The following KCNQ5 variants were observed in gnomAD, a reference collection of about 807,000 sequenced individuals.
The protein encoded by KCNQ5 is potassium voltage-gated channel subfamily Q member 5.
KCNQ5 carries 30 observed loss-of-function variants against 98.2 expected under a neutral mutation model. The observed-to-expected ratio is 0.31, with a 90% CI of 0.23 to 0.41. The LOEUF (loss-of-function observed/expected upper bound fraction) is 0.41, where lower values mean the gene tolerates loss of function less well. Ranked by LOEUF, KCNQ5 falls within the 10% of genes least tolerant of loss-of-function variation. KCNQ5 has a pLI of 1.00. For synonymous variants in KCNQ5, 458 were observed against 449.4 expected, an observed-to-expected ratio of 1.02 and a Z score of -0.24; for missense variants, 835 against 1,182.5, an observed-to-expected ratio of 0.71 and a Z score of 4.31.
At chr6:73,123,224 T>C (rs937172213) in intron 8 of KCNQ5, among the ~76,000 whole-genome samples, 4 of 152,056 alleles carry the variant, frequency 2.6e-5, no homozygotes, top group Non-Finnish European at 5.9e-5. Flanking sequence ...ATATGTTAGA[T>C]GGCATTAAGT....
chr6:72,660,371 G>A (rs573573496), intron 1 of KCNQ5, among the ~76,000 whole-genome samples: 2 of 152,230 alleles, frequency 1.3e-5, no homozygotes, highest in East Asian at 3.9e-4. Flanking sequence ...AAAAAACTAA[G>A]CTCAACGTTC....
intron 1 of KCNQ5, among the ~76,000 whole-genome samples, chr6:72,887,501 G>A (rs1778891485): frequency 6.6e-6 from 1 of 152,106 alleles, no homozygotes; most frequent in Non-Finnish European, 1.5e-5. Context: ...GAAGATCTGA[G>A]ATACAAGAAA....
At chr6:72,716,466 A>G (rs1195163545) in intron 1 of KCNQ5, among the ~76,000 whole-genome samples, 2 of 152,196 alleles carry the variant, frequency 1.3e-5, no homozygotes. Flanking sequence ...CTGAATATTC[A>G]TTTGGCTTTT....
intron 1 of KCNQ5, among the ~76,000 whole-genome samples, chr6:72,917,973 C>T (rs1292840983): frequency 1.3e-5 from 2 of 152,144 alleles, no homozygotes; most frequent in Admixed American, 6.6e-5. Flanking sequence ...TAGCAGCATC[C>T]TTACTGTCTG....
At chr6:72,777,422 G>A (rs960642539) in intron 1 of KCNQ5, among the ~76,000 whole-genome samples, 1 of 152,120 alleles carries the variant, frequency 6.6e-6, no homozygotes, top group Non-Finnish European at 1.5e-5. Context: ...GGTAAGTGGA[G>A]TGGGTGGTTG....
Position 72,622,279 on chromosome 6 carries a change from G to A in KCNQ5, c.90G>A (p.Gly30=), listed in dbSNP as rs1434168919. 6 of 1,278,280 alleles carry A rather than the reference G, an allele frequency of 4.7e-6. No homozygotes were observed. Among genetic ancestry groups the A allele is most frequent in the East Asian group, 6.1e-5 (2 of 32,716 alleles). The allele number at this position is 1,278,280 out of a possible 1,614,324, so 79.2% of individuals were successfully genotyped here. The change falls in exon 1 of 14, where the codon GGG becomes GGA. Residue 30 remains glycine, a synonymous_variant. Coordinates refer to ENST00000370398, the MANE Select transcript of KCNQ5 (RefSeq NM_019842.4). This position sits in a 1 kb window ranked among gnomAD's most constrained non-coding sequence, Gnocchi z 6.0. ...SGAAAAAAGG[G]RLGSGMKDVE... ...CAGCGGCGGCGGCGGCGGGCGGGGG[G>A]CGCTTGGGCAGCGGCATGAAGGATG... is the stretch of plus-strand genomic sequence containing the variant.
chr6:72,889,273 A>C (rs1778969152), intron 1 of KCNQ5, among the ~76,000 whole-genome samples: 1 of 152,176 alleles, frequency 6.6e-6, no homozygotes, highest in Non-Finnish European at 1.5e-5. Context: ...AAGAACATCA[A>C]GGAAGTCACT....
At chr6:72,846,699 G>A (rs1006368331) in intron 1 of KCNQ5, among the ~76,000 whole-genome samples, 5 of 152,058 alleles carry the variant, frequency 3.3e-5, no homozygotes, top group Non-Finnish European at 7.4e-5. Flanking sequence ...TGCCCTGACT[G>A]CTTATGTACC....
intron 1 of KCNQ5, among the ~76,000 whole-genome samples, chr6:72,840,613 C>G (rs1776744569): frequency 6.6e-6 from 1 of 152,136 alleles, no homozygotes; most frequent in Non-Finnish European, 1.5e-5. Flanking sequence ...ACTCTCCAAG[C>G]CCCCCGGCTA....
intron 1 of KCNQ5, among the ~76,000 whole-genome samples, chr6:72,635,118 C>T (rs2154471740): frequency 6.6e-6 from 1 of 151,844 alleles, no homozygotes; most frequent in Non-Finnish European, 1.5e-5. Context: ...CCTCCATCAC[C>T]CACACTCAAG....
intron 1 of KCNQ5, among the ~76,000 whole-genome samples, chr6:72,639,428 C>T (rs2098925992): frequency 6.6e-6 from 1 of 152,144 alleles, no homozygotes; most frequent in Admixed American, 6.5e-5. Flanking sequence ...CATCCAATTT[C>T]ACAGGAAACA....
intron 1 of KCNQ5, among the ~76,000 whole-genome samples, chr6:72,741,141 A>G (rs538916382): frequency 6.6e-6 from 1 of 152,300 alleles, no homozygotes; most frequent in Admixed American, 6.5e-5. Flanking sequence ...ATGTTTAGAA[A>G]AGCTGAATAG....
chr6:72,682,709 A>T (rs1767766061), intron 1 of KCNQ5, among the ~76,000 whole-genome samples: 3 of 152,230 alleles, frequency 2.0e-5, no homozygotes, highest in African/African-American at 7.2e-5. Flanking sequence ...ATGAAAATAG[A>T]TTATTCCTGG....
intron 1 of KCNQ5, among the ~76,000 whole-genome samples, chr6:72,812,231 G>T (rs375165359): frequency 6.6e-6 from 1 of 152,080 alleles, no homozygotes; most frequent in Admixed American, 6.6e-5. Context: ...TATGATACTA[G>T]TCCTGCCGAC....
At chr6:72,885,589 A>G (rs1049497287) in intron 1 of KCNQ5, among the ~76,000 whole-genome samples, 4 of 152,224 alleles carry the variant, frequency 2.6e-5, no homozygotes, top group African/African-American at 9.6e-5. Context: ...TTTTTATAAC[A>G]TCACTTACAA....
intron 1 of KCNQ5, among the ~76,000 whole-genome samples, chr6:72,985,177 G>C (rs987503383): frequency 6.6e-6 from 1 of 152,204 alleles, no homozygotes; most frequent in Non-Finnish European, 1.5e-5. Flanking sequence ...CTGTACACCA[G>C]TGTGGGCGAC....
chr6:72,650,338 C>T (rs1323765617), intron 1 of KCNQ5, among the ~76,000 whole-genome samples: 1 of 152,048 alleles, frequency 6.6e-6, no homozygotes, highest in East Asian at 1.9e-4. Context: ...TTTTAGACAA[C>T]TGCTTAGTCA....
At chr6:72,766,125 C>T (rs535089028) in intron 1 of KCNQ5, among the ~76,000 whole-genome samples, 1 of 151,938 alleles carries the variant, frequency 6.6e-6, no homozygotes, top group African/African-American at 2.4e-5. Context: ...GACTTCTGCT[C>T]ATACCTAAAT....
At chr6:72,707,403 T>TAC (rs1769144931) in intron 1 of KCNQ5, among the ~76,000 whole-genome samples, 1 of 152,200 alleles carries the variant, frequency 6.6e-6, no homozygotes, top group African/African-American at 2.4e-5. Context: ...ATTATCCTTA[T>TAC]ATGTGTGTAC....
Sources: allele counts gnomAD v4.1 joint callset (sites outside exome capture counted in the v4.1 genomes callset), GRCh38; gene constraint gnomAD v4.1.1; non-coding constraint Gnocchi (gnomAD v3.1); transcripts MANE v1.5; gene names NCBI Gene and HGNC (gene_info 2026-07-23, HGNC 2026-07-21).